Variants in IKZF2 observed in about 807,000 individuals in gnomAD.
The protein encoded by IKZF2 is IKAROS family zinc finger 2, also known as zinc finger protein Helios.
IKZF2 carries 15 observed loss-of-function variants against 49.2 expected under a neutral mutation model. That is an observed-to-expected ratio of 0.30 (90% confidence interval 0.20 to 0.47). The LOEUF (loss-of-function observed/expected upper bound fraction) is 0.47. Ranked by LOEUF, IKZF2 falls within the 20% of genes least tolerant of loss-of-function variation. The probability of loss-of-function intolerance (pLI) is 1.00; values close to 1 mark genes in which losing one functional copy is unlikely to be tolerated. For missense variants in IKZF2, 567 were observed against 664.6 expected (o/e 0.85, Z 1.61); for synonymous variants, 227 against 221.4 (o/e 1.03, Z -0.23).
Position 213,006,298 on chromosome 2 carries a change from A to G in IKZF2, c.*1062T>C, listed in dbSNP as rs1010771657. ...AACACCGGGAGGTCACATCTTGAAAAAAACTAGTGAAAAGAGAAATACCAG... is the reference window on the plus strand; with the variant it reads ...AACACCGGGAGGTCACATCTTGAAAGAAACTAGTGAAAAGAGAAATACCAG... On this transcript the variant is annotated 3_prime_UTR_variant, in exon 9 of 9. Coordinates refer to ENST00000434687, the MANE Select transcript of IKZF2 (RefSeq NM_001387220.1). 6.6e-6 allele frequency: 1 copy of G among 152,492 alleles called. No homozygotes were observed. Among genetic ancestry groups the G allele is most frequent in the Non-Finnish European group, 1.5e-5 (1 of 67,992 alleles). The allele number at this position is 152,492 out of a possible 1,614,324, so 9.4% of individuals were successfully genotyped here. A position where few individuals can be genotyped will look rare whatever the true frequency, so the allele number is the denominator to read the frequency against.
At chr2:213,123,878 C>G (rs558538062) in intron 4 of IKZF2, among the ~76,000 whole-genome samples, 1 of 151,932 alleles carries the variant, frequency 6.6e-6, no homozygotes, top group Non-Finnish European at 1.5e-5. Flanking sequence ...AAAGCCTGCT[C>G]TACAAGCACT....
intron 6 of IKZF2, among the ~76,000 whole-genome samples, chr2:213,023,050 A>C (rs900913259): frequency 6.6e-6 from 1 of 152,204 alleles, no homozygotes; most frequent in Non-Finnish European, 1.5e-5. Flanking sequence ...TTGGTTTTGA[A>C]TGAATACAGA....
At chr2:213,150,705 G>GGA (rs1383185966) in intron 1 of IKZF2, among the ~76,000 whole-genome samples, 1 of 138,440 alleles carries the variant, frequency 7.2e-6, no homozygotes, top group African/African-American at 2.6e-5. Context: ...AAAGAAAAGG[G>GGA]GGGGGGGGCG....
chr2:213,094,989 A>G (rs1314821982), intron 4 of IKZF2, among the ~76,000 whole-genome samples: 1 of 152,188 alleles, frequency 6.6e-6, no homozygotes, highest in African/African-American at 2.4e-5. Context: ...GTGAAGTGGT[A>G]TATGAGAATT....
intron 4 of IKZF2, among the ~76,000 whole-genome samples, chr2:213,140,899 A>T (rs1342578792): frequency 6.6e-6 from 1 of 152,062 alleles, no homozygotes; most frequent in East Asian, 1.9e-4. Flanking sequence ...TGGGCAGAAA[A>T]GTAACCAAAC....
chr2:213,091,875 G>C (rs1454074077), intron 4 of IKZF2, among the ~76,000 whole-genome samples: 2 of 151,814 alleles, frequency 1.3e-5, no homozygotes, highest in East Asian at 3.9e-4. Flanking sequence ...CTGTGAAAGA[G>C]AGTATAAGCT....
intron 6 of IKZF2, among the ~76,000 whole-genome samples, chr2:213,028,143 GA>G (rs1189434180): frequency 1.3e-5 from 2 of 152,006 alleles, no homozygotes; most frequent in Admixed American, 1.3e-4. Context: ...CCCATTTATA[GA>G]AAATATTATC....
chr2:213,053,209 G>A (rs1386042965), intron 5 of IKZF2, among the ~76,000 whole-genome samples: 3 of 152,024 alleles, frequency 2.0e-5, no homozygotes, highest in Admixed American at 6.6e-5. Context: ...CAAAAATCTA[G>A]ACTAACAAAA....
intron 7 of IKZF2, among the ~76,000 whole-genome samples, chr2:213,017,468 C>T (rs1313940626): frequency 6.6e-6 from 1 of 152,154 alleles, no homozygotes; most frequent in Non-Finnish European, 1.5e-5. Context: ...AATGACACTA[C>T]TAATTACCAT....
At chr2:213,019,175 A>T (rs1284779869) in intron 7 of IKZF2, among the ~76,000 whole-genome samples, 2 of 152,176 alleles carry the variant, frequency 1.3e-5, no homozygotes, top group Non-Finnish European at 2.9e-5. Context: ...CAACACAGGG[A>T]AAAACATGTT....
chr2:213,017,987 G>A (rs1696796517), intron 7 of IKZF2, among the ~76,000 whole-genome samples: 2 of 152,128 alleles, frequency 1.3e-5, no homozygotes, highest in South Asian at 4.2e-4. Context: ...CAAAGTTTGG[G>A]GGTGCCCAAT....
chr2:213,122,395 G>A (rs1032647280), intron 4 of IKZF2, among the ~76,000 whole-genome samples: 9 of 152,142 alleles, frequency 5.9e-5, no homozygotes, highest in African/African-American at 2.2e-4. Context: ...TAGAGTCGCA[G>A]GCTCCTCCTC....
At chr2:213,021,957 G>C (rs1245360782) in intron 7 of IKZF2, 36 bp downstream of exon 7, 1 of 1,582,814 alleles carries the variant, frequency 6.3e-7, no homozygotes, top group East Asian at 2.3e-5. Context: ...AAAGCAGTAG[G>C]GGGAAATAAA....
intron 5 of IKZF2, among the ~76,000 whole-genome samples, chr2:213,052,337 G>A (rs1332438684): frequency 2.0e-5 from 3 of 151,958 alleles, no homozygotes; most frequent in Non-Finnish European, 4.4e-5. Flanking sequence ...CATGATGAAG[G>A]TAAATAGTTT....
At chr2:213,012,601 T>C (rs1270653874) in intron 8 of IKZF2, among the ~76,000 whole-genome samples, 1 of 151,994 alleles carries the variant, frequency 6.6e-6, no homozygotes, top group African/African-American at 2.4e-5. Flanking sequence ...ACTGACATAA[T>C]ATAAACTATG....
At chr2:213,113,074 C>T (rs554040791) in intron 4 of IKZF2, among the ~76,000 whole-genome samples, 2 of 152,220 alleles carry the variant, frequency 1.3e-5, no homozygotes, top group East Asian at 3.9e-4. Flanking sequence ...TAATTATGAG[C>T]ATGCCAATAT....
Position 213,000,469 on chromosome 2 carries a change from C to T in IKZF2, c.*6891G>A, listed in dbSNP as rs1275201150. 1 of 151,428 alleles carries T rather than the reference C, an allele frequency of 6.6e-6. No individual in the cohort carries two copies. The highest frequency in any genetic ancestry group is 1.5e-5 in the Non-Finnish European group (1 of 67,514). The allele number at this position is 151,428 out of a possible 1,614,324, so 9.4% of individuals were successfully genotyped here. A position where few individuals can be genotyped will look rare whatever the true frequency, so the allele number is the denominator to read the frequency against. ...GAAAGAATATCTAAAATGGCCAAGA[C>T]ACATACTGTACAAATGCAGAAATGC... On this transcript the variant is annotated 3_prime_UTR_variant, in exon 9 of 9. Coordinates refer to ENST00000434687, the MANE Select transcript of IKZF2 (RefSeq NM_001387220.1).
chr2:213,067,074 G>A lies in IKZF2; in HGVS notation c.140-9975C>T, dbSNP rs541442568. On this transcript the variant is annotated intron_variant, in intron 4 of 8. Coordinates refer to ENST00000434687, the MANE Select transcript of IKZF2 (RefSeq NM_001387220.1). ...CACCCTGGAGTTTAAGGCCAGGTTC[G>A]TTCATTTATAAGTCACATGACCTTA... Among the ~76,000 whole-genome samples the A allele has an allele frequency of 6.6e-5, 10 of 152,158 alleles. No individual in the cohort carries two copies. The East Asian group carries it at 1.2e-3, about 18-fold the overall frequency.
At chr2:213,075,572 C>G (rs1703163656) in intron 4 of IKZF2, among the ~76,000 whole-genome samples, 1 of 151,962 alleles carries the variant, frequency 6.6e-6, no homozygotes, top group African/African-American at 2.4e-5. Flanking sequence ...TATTATTTAT[C>G]AACTCTCATT....
Sources: allele counts gnomAD v4.1 joint callset (sites outside exome capture counted in the v4.1 genomes callset), GRCh38; gene constraint gnomAD v4.1.1; transcripts MANE v1.5; gene names NCBI Gene and HGNC (gene_info 2026-07-23, HGNC 2026-07-21).